Variants in PTK7 observed in about 807,000 individuals in gnomAD.
PTK7 encodes protein tyrosine kinase 7 (inactive).
Under a neutral mutation model 116.6 loss-of-function variants are expected in PTK7, and 39 were observed. The observed-to-expected ratio is 0.33, with a 90% CI of 0.26 to 0.44. PTK7 has a LOEUF of 0.44. PTK7 is among the 20% of genes least tolerant of loss of function. The pLI, the probability that PTK7 is intolerant of heterozygous loss-of-function variation, is 1.00. For synonymous variants in PTK7, 546 were observed against 563.6 expected (o/e 0.97, Z 0.44); for missense variants, 1,169 against 1,425.6 (o/e 0.82, Z 2.90).
chr6:43,145,601 C>T lies in PTK7; in HGVS notation c.2640+169C>T. 2.2e-6 allele frequency: 1 copy of T among 448,108 alleles called. No homozygotes were observed. Among genetic ancestry groups the T allele is most frequent in the African/African-American group, 2.0e-5 (1 of 50,964 alleles). 27.8% of individuals were successfully genotyped at this position (448,108 alleles called of 1,614,324 possible). On this transcript the variant is annotated intron_variant, in intron 16 of 19. Coordinates refer to ENST00000230419, the MANE Select transcript of PTK7 (RefSeq NM_002821.5). This position sits in a 1 kb window ranked among gnomAD's most constrained non-coding sequence, Gnocchi z 4.8. ...CCACCTTATGATGCTCAGCTTCTGC[C>T]TTCCCTGCTCTTGGATGCCTGCTTT...
chr6:43,150,701 G>A (rs1329507650), intron 17 of PTK7, among the ~76,000 whole-genome samples: 3 of 150,812 alleles, frequency 2.0e-5, no homozygotes, highest in Non-Finnish European at 4.4e-5. Context: ...GATGGCCACT[G>A]AAGCAGCCTG....
At position 43,129,068 on chromosome 6, in the gene PTK7, T is replaced by C. The variant is rs759888176; in HGVS notation, c.171T>C (p.Ala57=). 8 of 1,614,054 alleles carry C rather than the reference T, an allele frequency of 5.0e-6. No homozygotes were observed. The highest frequency in any genetic ancestry group is 1.6e-4 in the Middle Eastern group (1 of 6,084). Residue 57 remains alanine (A), a synonymous_variant, in exon 2 of 20, where the codon GCT becomes GCC. Coordinates refer to ENST00000230419, the MANE Select transcript of PTK7 (RefSeq NM_002821.5). This position sits in a 1 kb window ranked among gnomAD's most constrained non-coding sequence, Gnocchi z 4.5. ...CGCTGCTTCGCTGTGAGGTTGAGGC[T>C]CCGGGCCCGGTACATGTGTACTGGC... ...RRALLRCEVE[A]PGPVHVYWLL...
intron 19 of PTK7, among the ~76,000 whole-genome samples, 172 bp downstream of exon 19, chr6:43,160,138 C>T (rs1257036641): frequency 1.3e-5 from 2 of 152,194 alleles, no homozygotes; most frequent in African/African-American, 2.4e-5. Context: ...TCTTTTGAGA[C>T]GGAGTGTCGC....
At chr6:43,079,908 A>G (rs2150366440) in intron 1 of PTK7, among the ~76,000 whole-genome samples, 1 of 151,942 alleles carries the variant, frequency 6.6e-6, no homozygotes, top group East Asian at 1.9e-4. Flanking sequence ...AAAAAAAAAA[A>G]AAAATTGCCA....
rs892398402 is a variant in PTK7, at chr6:43,132,089, G to A, written c.886G>A (p.Ala296Thr). The A allele has an allele frequency of 1.2e-6, 2 of 1,614,002 alleles. No individual in the cohort carries two copies. The highest frequency in any genetic ancestry group is 2.7e-5 in the African/African-American group (2 of 74,942). ...LLLTQVRPRN[A>T]GIYRCIGQGQ... Reference sequence around the variant, plus strand: ...GCTGACCCAGGTCCGGCCACGCAATGCAGGGATCTACCGCTGCATTGGCCA... The same window carrying A: ...GCTGACCCAGGTCCGGCCACGCAATACAGGGATCTACCGCTGCATTGGCCA... Residue 296 changes from alanine to threonine, a missense_variant, in exon 6 of 20, where the codon GCA (alanine) becomes ACA (threonine). Ala to Thr is a moderately conservative substitution (Grantham distance 58). Transcript: ENST00000230419.
Position 43,145,492 on chromosome 6 carries a change from T to A in PTK7, c.2640+60T>A, listed in dbSNP as rs1304208765. ...TAGGGAGGGCAGTGTCCTACAAAGG[T>A]GGGAGTCAGTGGTTGGAGCACCGTG... On this transcript the variant is annotated intron_variant, in intron 16 of 19. Coordinates refer to ENST00000230419, the MANE Select transcript of PTK7 (RefSeq NM_002821.5). This position sits in a 1 kb window ranked among gnomAD's most constrained non-coding sequence, Gnocchi z 4.8. 3 of 1,354,044 alleles carry A rather than the reference T, an allele frequency of 2.2e-6. No homozygotes were observed. Among genetic ancestry groups the A allele is most frequent in the African/African-American group, 2.9e-5 (2 of 68,830 alleles). The allele number at this position is 1,354,044 out of a possible 1,614,324, so 83.9% of individuals were successfully genotyped here. A position where few individuals can be genotyped will look rare whatever the true frequency, so the allele number is the denominator to read the frequency against.
At chr6:43,152,734 T>TTTATG (rs59689086) in intron 17 of PTK7, among the ~76,000 whole-genome samples, 22,502 of 144,020 alleles carry the variant, frequency 0.16, 1,878 homozygotes, top group Middle Eastern at 0.19. Flanking sequence ...TTTTATTTTA[T>TTTATG]TTATGTTATG....
intron 1 of PTK7, among the ~76,000 whole-genome samples, chr6:43,120,446 G>A (rs558018707): frequency 2.0e-5 from 3 of 152,180 alleles, no homozygotes; most frequent in South Asian, 2.1e-4. Context: ...CAGGTCTCCC[G>A]GGGAGGCTGC....
At chr6:43,153,777 C>T (rs1015909008) in intron 17 of PTK7, among the ~76,000 whole-genome samples, 1 of 152,028 alleles carries the variant, frequency 6.6e-6, no homozygotes, top group Non-Finnish European at 1.5e-5. Flanking sequence ...TGCCTCATAC[C>T]TGTAATCGCA....
intron 17 of PTK7, among the ~76,000 whole-genome samples, chr6:43,148,410 T>C (rs1023983012): frequency 4.6e-5 from 7 of 152,204 alleles, no homozygotes; most frequent in African/African-American, 1.7e-4. Context: ...GACACCCATG[T>C]CCTGTAGGTG....
chr6:43,129,493 T>C lies in PTK7; in HGVS notation c.367+229T>C. The C allele has an allele frequency of 1.4e-6, 1 of 736,320 alleles. No individual in the cohort carries two copies. The highest frequency in any genetic ancestry group is 2.2e-6 in the Non-Finnish European group (1 of 461,430). 45.6% of individuals were successfully genotyped at this position (736,320 alleles called of 1,614,324 possible). On this transcript the variant is annotated intron_variant, in intron 2 of 19. Transcript: ENST00000230419. This position sits in a 1 kb window ranked among gnomAD's most constrained non-coding sequence, Gnocchi z 4.5. ...GACCCATTTATCTGCTGCATGCTTG[T>C]GCAAATGGAAAGGGCGGCCGAGCCC...
chr6:43,113,343 G>C (rs1768296032), intron 1 of PTK7, among the ~76,000 whole-genome samples: 1 of 152,088 alleles, frequency 6.6e-6, no homozygotes, highest in Admixed American at 6.6e-5. Context: ...TGAGGCAGGA[G>C]AATCACTTGA....
intron 1 of PTK7, among the ~76,000 whole-genome samples, chr6:43,122,851 C>T (rs1182133901): frequency 6.6e-6 from 1 of 152,142 alleles, no homozygotes; most frequent in African/African-American, 2.4e-5. Flanking sequence ...GAGTGGTCTA[C>T]CTGCCTTGGA....
rs1766036727 is a variant in PTK7 at position 43,076,737 on chromosome 6, G to C, written c.79+170G>C. 5 of 1,375,542 alleles carry C rather than the reference G, an allele frequency of 3.6e-6. No homozygotes were observed. The South Asian group carries it at 6.4e-5, about 17-fold the overall frequency. The allele number at this position is 1,375,542 out of a possible 1,614,324, so 85.2% of individuals were successfully genotyped here. ...GAAGGGCGCAAGGAGCCCGGGTGTC[G>C]GGAGGCTGGCGAAGCCTCCAGGGAC... On this transcript the variant is annotated intron_variant, in intron 1 of 19. Coordinates refer to ENST00000230419, the MANE Select transcript of PTK7 (RefSeq NM_002821.5). The surrounding 1 kb of genome is among the most constrained non-coding windows in gnomAD (Gnocchi z 5.7).
chr6:43,077,400 A>T (rs1245107662), intron 1 of PTK7, among the ~76,000 whole-genome samples: 2 of 152,210 alleles, frequency 1.3e-5, no homozygotes, highest in South Asian at 4.1e-4. Context: ...GAAGAAAGGC[A>T]AAAAGAGCTC....
chr6:43,117,601 G>A (rs62417477), intron 1 of PTK7, among the ~76,000 whole-genome samples: 9,280 of 152,236 alleles, frequency 0.061, 369 homozygotes, highest in Non-Finnish European at 0.09. Flanking sequence ...GGCTGATGGT[G>A]TTGAGAGTTC....
intron 5 of PTK7, chr6:43,131,812 T>A (rs1582161639): frequency 1.5e-6 from 1 of 651,950 alleles, no homozygotes; most frequent in East Asian, 2.8e-5. Flanking sequence ...TCTCCTGTAG[T>A]TGGAACACAC....
chr6:43,076,450 C>A lies in PTK7; in HGVS notation c.-39C>A. Reference sequence around the variant, plus strand: ...CGCCGCGGAGCGCAGTCTGCGCGCCCGCCGTGCGCCCTCAGCTCCTTTTCC... The same window carrying A: ...CGCCGCGGAGCGCAGTCTGCGCGCCAGCCGTGCGCCCTCAGCTCCTTTTCC... On this transcript the variant is annotated 5_prime_UTR_variant, in exon 1 of 20. Coordinates refer to ENST00000230419, the MANE Select transcript of PTK7 (RefSeq NM_002821.5). The surrounding 1 kb of genome is among the most constrained non-coding windows in gnomAD (Gnocchi z 5.7). 2 of 1,503,382 alleles carry A rather than the reference C, an allele frequency of 1.3e-6. No homozygotes were observed. Among genetic ancestry groups the A allele is most frequent in the South Asian group, 1.2e-5 (1 of 80,452 alleles). 93.1% of individuals were successfully genotyped at this position (1,503,382 alleles called of 1,614,324 possible). A position where few individuals can be genotyped will look rare whatever the true frequency, so the allele number is the denominator to read the frequency against.
rs1350408334 is a variant in PTK7, at chr6:43,145,998, A to G, written c.2640+566A>G. ...TTCTCAAATCCCTAGTTCTGGGGCAAGAGCGGGCAGGAGTCCTATCAGTCT... is the reference window on the plus strand; with the variant it reads ...TTCTCAAATCCCTAGTTCTGGGGCAGGAGCGGGCAGGAGTCCTATCAGTCT... On this transcript the variant is annotated intron_variant, in intron 16 of 19. Transcript: ENST00000230419. The surrounding 1 kb of genome is among the most constrained non-coding windows in gnomAD (Gnocchi z 4.8). 1 of 152,650 alleles carries G rather than the reference A, an allele frequency of 6.6e-6. No homozygotes were observed. The highest frequency in any genetic ancestry group is 6.5e-5 in the Admixed American group (1 of 15,276). 9.5% of individuals were successfully genotyped at this position (152,650 alleles called of 1,614,324 possible).
Sources: allele counts gnomAD v4.1 joint callset (sites outside exome capture counted in the v4.1 genomes callset), GRCh38; gene constraint gnomAD v4.1.1; non-coding constraint Gnocchi (gnomAD v3.1); transcripts MANE v1.5; gene names NCBI Gene and HGNC (gene_info 2026-07-23, HGNC 2026-07-21).